NUMA1: variants seen among roughly 807,000 people sequenced by gnomAD.
NUMA1 encodes nuclear mitotic apparatus protein 1, also known as SP-H antigen.
In NUMA1, 62 loss-of-function variants were observed where a neutral mutation model predicts 237.1. The ratio of observed to expected loss-of-function variants is 0.26; its 90% CI spans 0.21 to 0.32. NUMA1 has a LOEUF of 0.32. NUMA1 is among the 10% of genes least tolerant of loss of function. The pLI, the probability that NUMA1 is intolerant of heterozygous loss-of-function variation, is 1.00. For synonymous variants in NUMA1, 1,028 were observed against 1,066.1 expected (o/e 0.96, Z 0.70); for missense variants, 2,533 against 2,666.5 (o/e 0.95, Z 1.10).
chr11:72,048,081 G>A (rs775607434), intron 2 of NUMA1: 33 of 152,082 alleles, frequency 2.2e-4, no homozygotes, highest in African/African-American at 8.0e-4. Flanking sequence ...TGTCTACCTT[G>A]TCCCTATATT....
chr11:72,025,353 A>G (rs1407358619), intron 4 of NUMA1, among the ~76,000 whole-genome samples: 1 of 151,932 alleles, frequency 6.6e-6, no homozygotes, highest in African/African-American at 2.4e-5. Context: ...CAGAGATTAC[A>G]GTGAGCTGAG....
At chr11:72,024,515 A>G (rs1939309518) in intron 4 of NUMA1, 162 bp from the exon 5 acceptor site, 1 of 644,634 alleles carries the variant, frequency 1.6e-6, no homozygotes, top group East Asian at 2.8e-5. Flanking sequence ...CCAGGACACC[A>G]TTTATCCAGA....
intron 1 of NUMA1, among the ~76,000 whole-genome samples, chr11:72,074,345 T>C (rs2136320829): frequency 6.6e-6 from 1 of 151,922 alleles, no homozygotes; most frequent in East Asian, 1.9e-4. Flanking sequence ...AGAGAGAGGC[T>C]CCATCTCAAA....
At chr11:72,006,287 G>C (rs1477904108) in intron 21 of NUMA1, 24 bp from the exon 22 acceptor site, 2 of 1,596,504 alleles carry the variant, frequency 1.3e-6, no homozygotes, top group South Asian at 2.2e-5. Flanking sequence ...TGAATCTGTT[G>C]CAGTGTACAG....
chr11:72,013,437 G>C lies in NUMA1; in HGVS notation c.4066C>G (p.Leu1356Val). The change falls in exon 15 of 27, where the codon CTG becomes GTG. Residue 1356 changes from leucine to valine, a missense_variant. Around this residue, in one of 3 missense-constraint regions of NUMA1, gnomAD observed 324 missense variants for 407.6 expected, o/e 0.79. Transcript: ENST00000393695. This position sits in a 1 kb window ranked among gnomAD's most constrained non-coding sequence, Gnocchi z 6.8. Reference protein sequence around the residue: ...LQLEHTSTQALVSELLPAKHL... With the variant: ...LQLEHTSTQAVVSELLPAKHL... ...TTAGCTGGCAGCAGCTCACTCACCA[G>C]GGCCTGTGTGCTGGTGTGCTCGAGC... 6.2e-7 allele frequency: 1 copy of C among 1,613,216 alleles called. No homozygotes were observed. The highest frequency in any genetic ancestry group is 8.5e-7 in the Non-Finnish European group (1 of 1,180,002).
chr11:72,056,514 G>GT (rs1942653305), intron 2 of NUMA1, among the ~76,000 whole-genome samples: 1 of 151,220 alleles, frequency 6.6e-6, no homozygotes, highest in South Asian at 2.1e-4. Context: ...TAGGGACAGG[G>GT]TTTTACTATG....
chr11:72,056,465 G>T (rs1217675376), intron 2 of NUMA1, among the ~76,000 whole-genome samples: 1 of 151,242 alleles, frequency 6.6e-6, no homozygotes, highest in African/African-American at 2.4e-5. Flanking sequence ...GGGATTCCAG[G>T]TGTCTACCAC....
At chr11:72,024,756 C>T (rs1939340876) in intron 4 of NUMA1, 1 of 168,816 alleles carries the variant, frequency 5.9e-6, no homozygotes, top group African/African-American at 2.4e-5. Context: ...GAGAGAAGAC[C>T]ATGGGGAGGG....
intron 2 of NUMA1, among the ~76,000 whole-genome samples, chr11:72,061,071 A>T (rs545703225): frequency 1.3e-5 from 2 of 152,286 alleles, no homozygotes; most frequent in African/African-American, 4.8e-5. Flanking sequence ...GTCTAAAAAA[A>T]TTTAAAAAAT....
At chr11:72,009,506 A>G in intron 17 of NUMA1, 119 bp from the exon 18 acceptor site, 1 of 1,327,058 alleles carries the variant, frequency 7.5e-7, no homozygotes, top group Non-Finnish European at 1.0e-6. Context: ...TAGGAAGCGG[A>G]AGAAAACCAC....
At chr11:72,059,411 G>T (rs1489148339) in intron 2 of NUMA1, among the ~76,000 whole-genome samples, 4 of 152,108 alleles carry the variant, frequency 2.6e-5, no homozygotes, top group Non-Finnish European at 4.4e-5. Context: ...TGGTAGCTGG[G>T]ACTAAAGGTG....
At chr11:72,019,155 C>G in intron 9 of NUMA1, 175 bp from the exon 10 acceptor site, 1 of 683,634 alleles carries the variant, frequency 1.5e-6, no homozygotes, top group Non-Finnish European at 2.4e-6. Flanking sequence ...CTTGGGAAAA[C>G]TTTTCTTCTC....
intron 2 of NUMA1, among the ~76,000 whole-genome samples, chr11:72,052,964 T>C (rs1487654158): frequency 6.6e-6 from 1 of 152,114 alleles, no homozygotes; most frequent in Non-Finnish European, 1.5e-5. Context: ...AGGAAGGCAA[T>C]AGAGCATAAT....
Position 72,014,379 on chromosome 11 carries a change from G to A in NUMA1, c.3124C>T (p.Arg1042Cys), listed in dbSNP as rs952116694. ...MRLQNALNEQ[R>C]VEFATLQEAL... Reference sequence around the variant, plus strand: ...TCTTGCAGGGTAGCGAACTCCACACGCTGCTCGTTGAGGGCGTTCTGCAGC... The same window carrying A: ...TCTTGCAGGGTAGCGAACTCCACACACTGCTCGTTGAGGGCGTTCTGCAGC... Residue 1042 changes from arginine (R) to cysteine (C), a missense_variant, in exon 15 of 27, where the codon CGT becomes TGT. Physicochemically the swap from Arg to Cys is radical, Grantham distance 180. Around this residue, in one of 3 missense-constraint regions of NUMA1, gnomAD observed 1,414 missense variants for 1,508.1 expected, o/e 0.94. Transcript: ENST00000393695. The surrounding 1 kb of genome is among the most constrained non-coding windows in gnomAD (Gnocchi z 4.6). The A allele has an allele frequency of 1.4e-5, 23 of 1,612,430 alleles. No homozygotes were observed. Among genetic ancestry groups the A allele is most frequent in the Middle Eastern group, 1.6e-4 (1 of 6,084 alleles).
chr11:72,037,291 G>C (rs1196286952), intron 2 of NUMA1, among the ~76,000 whole-genome samples: 1 of 152,196 alleles, frequency 6.6e-6, no homozygotes. Context: ...GGATCGCAAG[G>C]TCAGGAGATC....
intron 2 of NUMA1, among the ~76,000 whole-genome samples, chr11:72,060,215 T>C (rs919380031): frequency 3.9e-5 from 6 of 152,228 alleles, no homozygotes; most frequent in African/African-American, 1.2e-4. Flanking sequence ...CAGGTTTTAC[T>C]AAAACGTAGC....
intron 2 of NUMA1, among the ~76,000 whole-genome samples, chr11:72,056,635 T>TAAAAAAAAAAAAAAA (rs59248999): frequency 2.5e-4 from 19 of 75,996 alleles, no homozygotes; most frequent in South Asian, 5.0e-4. Flanking sequence ...CCCATCTCTT[T>TAAAAAAAAAAAAAAA]AAAAAAAAAA....
chr11:72,072,839 T>C (rs931401165), intron 1 of NUMA1, among the ~76,000 whole-genome samples: 79 of 151,314 alleles, frequency 5.2e-4, no homozygotes, highest in Non-Finnish European at 9.4e-4. Context: ...CGGATCACAC[T>C]GTCAGGAGAT....
At chr11:72,008,070 A>G in intron 20 of NUMA1, 1 of 474,994 alleles carries the variant, frequency 2.1e-6, no homozygotes, top group Non-Finnish European at 4.2e-6. Context: ...TTCATCTGTT[A>G]AAGGAGACAG....
Sources: gnomAD v4.1 joint callset for allele counts (sites outside exome capture counted in the v4.1 genomes callset) on GRCh38, gnomAD v4.1.1 for gene constraint, gnomAD v4.1.1 regional missense constraint, Gnocchi (gnomAD v3.1) non-coding constraint, MANE v1.5 for transcripts, NCBI Gene and HGNC (gene_info 2026-07-23, HGNC 2026-07-21) for gene names.